SLC35H1: variants seen among roughly 807,000 people sequenced by gnomAD.
SLC35H1 encodes the protein solute carrier family 35 member H1.
the SLC35H1 span, chr20:46,350,039 CA>C: frequency 5.8e-6 from 1 of 171,878 alleles, no homozygotes; most frequent in Non-Finnish European, 1.2e-5. Flanking sequence ...CCTGGAGGTC[CA>C]AAACCCAGTC....
the SLC35H1 span, among the ~76,000 whole-genome samples, chr20:46,353,407 C>T: frequency 1.3e-5 from 2 of 152,212 alleles, no homozygotes; most frequent in East Asian, 1.9e-4. Context: ...CCCTCCCACA[C>T]GAAAGTCCTC....
chr20:46,363,579 CCT>C, the SLC35H1 span, among the ~76,000 whole-genome samples: 1 of 152,200 alleles, frequency 6.6e-6, no homozygotes, highest in African/African-American at 2.4e-5. Context: ...CAAATCCTGC[CCT>C]GTCAGTTCCA....
At chr20:46,357,919 C>T in the SLC35H1 span, 5 of 812,966 alleles carry the variant, frequency 6.2e-6, no homozygotes, top group Non-Finnish European at 7.6e-6. Context: ...CCCTTAGTTA[C>T]GGTATCATCG....
chr20:46,353,271 G>A, the SLC35H1 span: 1 of 152,188 alleles, frequency 6.6e-6, no homozygotes, highest in East Asian at 1.9e-4. Context: ...AAAAGAAAAT[G>A]CAAACACATG....
chr20:46,355,942 C>T, the SLC35H1 span: 3 of 1,600,326 alleles, frequency 1.9e-6, no homozygotes, highest in Non-Finnish European at 1.7e-6. This position sits in a 1 kb window ranked among gnomAD's most constrained non-coding sequence, Gnocchi z 4.8. Flanking sequence ...GAGAAAGGAG[C>T]AGGAGCACAA....
At chr20:46,360,741 G>A in the SLC35H1 span, among the ~76,000 whole-genome samples, 1 of 152,030 alleles carries the variant, frequency 6.6e-6, no homozygotes, top group Non-Finnish European at 1.5e-5. Flanking sequence ...GTAGAGATGG[G>A]GTTTCTCCAT....
At chr20:46,364,344 C>G in the SLC35H1 span, 6 of 152,262 alleles carry the variant, frequency 3.9e-5, no homozygotes, top group Non-Finnish European at 8.8e-5. Flanking sequence ...GGGAGTGCGC[C>G]GGGAGGCCGG....
the SLC35H1 span, chr20:46,357,820 G>A: frequency 6.2e-7 from 1 of 1,603,408 alleles, no homozygotes; most frequent in African/African-American, 1.3e-5. Flanking sequence ...TAGACAGCCT[G>A]CCCCCCACCG....
chr20:46,352,042 AG>A, the SLC35H1 span: 1 of 1,613,760 alleles, frequency 6.2e-7, no homozygotes, highest in South Asian at 1.1e-5. Context: ...ATCACGCCCG[AG>A]TCTGTACCTT....
chr20:46,362,091 T>C, the SLC35H1 span, among the ~76,000 whole-genome samples: 1 of 152,126 alleles, frequency 6.6e-6, no homozygotes, highest in South Asian at 2.1e-4. Flanking sequence ...CTTATTGGGA[T>C]TCAGAAGGTC....
At chr20:46,354,793 A>T in the SLC35H1 span, 48 of 1,205,440 alleles carry the variant, frequency 4.0e-5, no homozygotes, top group Non-Finnish European at 5.4e-5. Flanking sequence ...GATCTCAATA[A>T]TCTCTGCAGC....
At chr20:46,363,759 C>A in the SLC35H1 span, among the ~76,000 whole-genome samples, 2 of 152,248 alleles carry the variant, frequency 1.3e-5, no homozygotes, top group African/African-American at 4.8e-5. Flanking sequence ...AGAGAGATGG[C>A]ACACGAAACA....
At chr20:46,356,087 C>G in the SLC35H1 span, among the ~76,000 whole-genome samples, 1 of 152,188 alleles carries the variant, frequency 6.6e-6, no homozygotes, top group Non-Finnish European at 1.5e-5. Context: ...ACGTTGAGCT[C>G]CCTGAGTCCT....
At chr20:46,349,222 G>C in the SLC35H1 span, 2 of 152,258 alleles carry the variant, frequency 1.3e-5, no homozygotes, top group Admixed American at 6.5e-5. Flanking sequence ...GGGCCGGGGG[G>C]GTCTCCCATG....
the SLC35H1 span, among the ~76,000 whole-genome samples, chr20:46,360,943 G>A: frequency 4.6e-5 from 7 of 152,188 alleles, no homozygotes; most frequent in African/African-American, 1.2e-4. Flanking sequence ...CAAAATATTT[G>A]TAATAAAAAA....
the SLC35H1 span, chr20:46,358,557 C>T: frequency 6.2e-7 from 1 of 1,613,842 alleles, no homozygotes. Flanking sequence ...GCAGGCACCC[C>T]TCTTGAATAC....
the SLC35H1 span, chr20:46,348,230 A>C: frequency 8.5e-5 from 13 of 152,310 alleles, no homozygotes; most frequent in African/African-American, 3.1e-4. Flanking sequence ...TGCTAAATGA[A>C]GGGCTGTCAT....
At chr20:46,348,692 C>T in the SLC35H1 span, 3 of 152,360 alleles carry the variant, frequency 2.0e-5, no homozygotes, top group African/African-American at 7.2e-5. Flanking sequence ...GGGCTAGTCA[C>T]CGCCCCCTCC....
chr20:46,351,997 A>C, the SLC35H1 span: 9 of 1,577,572 alleles, frequency 5.7e-6, no homozygotes, highest in Non-Finnish European at 7.8e-6. Context: ...CTGGTGAGAA[A>C]CCCCTGGGGG....
Sources: gnomAD v4.1 joint callset for allele counts (sites outside exome capture counted in the v4.1 genomes callset) on GRCh38, gnomAD v4.1.1 for gene constraint, Gnocchi (gnomAD v3.1) non-coding constraint, MANE v1.5 for transcripts, NCBI Gene and HGNC (gene_info 2026-07-23, HGNC 2026-07-21) for gene names.